DCC: variants seen among roughly 807,000 people sequenced by gnomAD.
DCC encodes DCC netrin 1 receptor, also known as netrin receptor DCC.
Under a neutral mutation model 172.5 loss-of-function variants are expected in DCC, and 58 were observed. The observed-to-expected ratio is 0.34, with a 90% CI of 0.27 to 0.42. DCC has a LOEUF of 0.42. Ranked by LOEUF, DCC falls within the 10% of genes least tolerant of loss-of-function variation. The pLI is 1.00. For synonymous variants in DCC, 709 were observed against 644.5 expected (o/e 1.10, Z -1.52); for missense variants, 1,740 against 1,791.0 (o/e 0.97, Z 0.51).
rs1474028897 is a variant in DCC at position 52,930,661 on chromosome 18, G to A, written c.985+5291G>A. Among the ~76,000 whole-genome samples the A allele has an allele frequency of 7.7e-4, 117 of 152,006 alleles. 1 individual carries two copies. The highest frequency in any genetic ancestry group is 7.5e-3 in the Admixed American group (115 of 15,248). ...TATTAAATTAAGATTTCATTTTATA[G>A]TTTTCTTGGACATTTGCATTTTACA... On this transcript the variant is annotated intron_variant, in intron 5 of 28. Transcript: ENST00000442544.
At chr18:53,516,521 A>C (rs1309383406) in intron 27 of DCC, among the ~76,000 whole-genome samples, 3 of 148,614 alleles carry the variant, frequency 2.0e-5, no homozygotes, top group Admixed American at 2.0e-4. Flanking sequence ...GCAACCTACA[A>C]AATGGGAGAA....
chr18:52,667,727 A>G (rs189951724), intron 1 of DCC, among the ~76,000 whole-genome samples: 3 of 152,342 alleles, frequency 2.0e-5, no homozygotes, highest in Admixed American at 2.0e-4. Flanking sequence ...TGGAGGGGGA[A>G]GAGCTGGAGG....
chr18:52,427,477 C>T (rs17816780), intron 1 of DCC, among the ~76,000 whole-genome samples: 29,886 of 151,920 alleles, frequency 0.2, 3,544 homozygotes, highest in East Asian at 0.56. Flanking sequence ...TTATACCCAA[C>T]AAGATGTCAG....
intron 12 of DCC, among the ~76,000 whole-genome samples, chr18:53,301,769 T>C (rs2144774236): frequency 6.6e-6 from 1 of 152,336 alleles, no homozygotes; most frequent in South Asian, 2.1e-4. Flanking sequence ...CCTCATTTTC[T>C]TCTCCAATCT....
intron 1 of DCC, among the ~76,000 whole-genome samples, chr18:52,386,284 T>C (rs1431547406): frequency 6.6e-6 from 1 of 152,086 alleles, no homozygotes; most frequent in Non-Finnish European, 1.5e-5. Flanking sequence ...GGGTTTCCCA[T>C]ATTCAAAAGA....
At chr18:53,172,663 G>A (rs1238381767) in intron 8 of DCC, among the ~76,000 whole-genome samples, 1 of 152,006 alleles carries the variant, frequency 6.6e-6, no homozygotes, top group Admixed American at 6.6e-5. Context: ...AATGTTGCTT[G>A]AAGGTCTAGA....
At chr18:53,246,162 G>GGCCACTA (rs2056362833) in intron 12 of DCC, among the ~76,000 whole-genome samples, 1 of 151,990 alleles carries the variant, frequency 6.6e-6, no homozygotes, top group African/African-American at 2.4e-5. Flanking sequence ...TTCTGTTACT[G>GGCCACTA]GCCACTACTG....
At chr18:52,844,299 G>C (rs1456329675) in intron 2 of DCC, among the ~76,000 whole-genome samples, 1 of 136,120 alleles carries the variant, frequency 7.3e-6, no homozygotes, top group African/African-American at 2.7e-5. Flanking sequence ...TTGATTGATA[G>C]ATAGGTAGAT....
intron 1 of DCC, among the ~76,000 whole-genome samples, chr18:52,495,631 C>A (rs528044517): frequency 6.6e-6 from 1 of 152,114 alleles, no homozygotes; most frequent in South Asian, 2.1e-4. Context: ...CCCGAAACAG[C>A]AGAAATTTCA....
chr18:53,312,836 A>G (rs2057291669), intron 13 of DCC, among the ~76,000 whole-genome samples: 1 of 145,050 alleles, frequency 6.9e-6, no homozygotes, highest in Admixed American at 6.9e-5. Flanking sequence ...GCTTTTAATT[A>G]CAGACTGCCT....
Position 53,418,426 on chromosome 18 carries a change from C to A in DCC, c.3163+2270C>A, listed in dbSNP as rs922340031. ...AGAGGCTGATCTTAATACTCCCATT[C>A]CCAGAACACAGCAAATTAGTTGAAT... On this transcript the variant is annotated intron_variant, in intron 21 of 28. Coordinates refer to ENST00000442544, the MANE Select transcript of DCC (RefSeq NM_005215.4). Among the ~76,000 whole-genome samples, 3 of 152,092 alleles carry A rather than the reference C, an allele frequency of 2.0e-5. No individual in the cohort carries two copies. The South Asian group carries it at 6.2e-4, about 32-fold the overall frequency.
chr18:53,130,481 G>A (rs2043634936), intron 7 of DCC, among the ~76,000 whole-genome samples: 1 of 152,004 alleles, frequency 6.6e-6, no homozygotes, highest in African/African-American at 2.4e-5. Flanking sequence ...CTTTTCTGTG[G>A]ATTTGTTGTC....
At chr18:52,599,576 G>A (rs190389821) in intron 1 of DCC, among the ~76,000 whole-genome samples, 93 of 151,736 alleles carry the variant, frequency 6.1e-4, no homozygotes, top group African/African-American at 1.9e-3. Flanking sequence ...GTGCAATGGC[G>A]CAATCTCTGC....
intron 12 of DCC, among the ~76,000 whole-genome samples, chr18:53,250,832 A>T (rs146537735): frequency 1.3e-5 from 2 of 151,886 alleles, no homozygotes; most frequent in East Asian, 3.9e-4. Flanking sequence ...CAGGATCTCC[A>T]CTTCCGTTAT....
chr18:53,349,006 G>A (rs2144893874), intron 15 of DCC, among the ~76,000 whole-genome samples: 1 of 152,284 alleles, frequency 6.6e-6, no homozygotes, highest in Non-Finnish European at 1.5e-5. Context: ...TCTGCAGCTG[G>A]TTTGAATTTC....
chr18:53,158,598 T>C (rs2054785588), intron 8 of DCC, among the ~76,000 whole-genome samples: 1 of 152,184 alleles, frequency 6.6e-6, no homozygotes, highest in Non-Finnish European at 1.5e-5. Flanking sequence ...GCTCCTCACC[T>C]GCTGGGTCTC....
At chr18:53,446,721 G>T (rs966229127) in intron 22 of DCC, among the ~76,000 whole-genome samples, 1 of 152,054 alleles carries the variant, frequency 6.6e-6, no homozygotes, top group African/African-American at 2.4e-5. Context: ...AAAAATTTTG[G>T]GTTGCCCAGT....
chr18:53,250,094 C>A (rs1407623558), intron 12 of DCC, among the ~76,000 whole-genome samples: 11 of 151,886 alleles, frequency 7.2e-5, no homozygotes, highest in Admixed American at 7.2e-4. Flanking sequence ...ACTCTTGATG[C>A]AATTCTGCCC....
intron 1 of DCC, among the ~76,000 whole-genome samples, chr18:52,673,760 C>T (rs781210391): frequency 2.8e-4 from 43 of 152,180 alleles, no homozygotes; most frequent in Non-Finnish European, 5.0e-4. Flanking sequence ...TCACTGAAGA[C>T]TCAAGTCACA....
Sources: gnomAD v4.1 joint callset for allele counts (sites outside exome capture counted in the v4.1 genomes callset) on GRCh38, gnomAD v4.1.1 for gene constraint, MANE v1.5 for transcripts, NCBI Gene and HGNC (gene_info 2026-07-23, HGNC 2026-07-21) for gene names.